The following HSDL2 variants were observed in gnomAD, a reference collection of about 807,000 sequenced individuals.
HSDL2 encodes the protein hydroxysteroid dehydrogenase like 2.
Under a neutral mutation model 46.3 loss-of-function variants are expected in HSDL2, and 27 were observed. The ratio of observed to expected loss-of-function variants is 0.58; its 90% CI spans 0.43 to 0.80. The LOEUF (loss-of-function observed/expected upper bound fraction) is 0.80, where lower values mean the gene tolerates loss of function less well. Among genes scored for constraint, HSDL2 ranks in the 30% least tolerant of loss-of-function variants. The pLI is 0.00. For synonymous variants in HSDL2, 153 were observed against 163.6 expected (o/e 0.94, Z 0.50); for missense variants, 451 against 502.7 (o/e 0.90, Z 0.98).
At chr9:112,384,635 T>C (rs1199653899) in intron 1 of HSDL2, among the ~76,000 whole-genome samples, 1 of 151,768 alleles carries the variant, frequency 6.6e-6, no homozygotes, top group Non-Finnish European at 1.5e-5. Flanking sequence ...GAGGCTGTTG[T>C]GGTAAACTGA....
chr9:112,434,651 C>T (rs913562635), intron 6 of HSDL2, among the ~76,000 whole-genome samples: 1 of 152,120 alleles, frequency 6.6e-6, no homozygotes, highest in Non-Finnish European at 1.5e-5. Context: ...TCAGTGGATA[C>T]ACACATGAGT....
intron 4 of HSDL2, among the ~76,000 whole-genome samples, chr9:112,414,482 A>T (rs148979609): frequency 0.013 from 1,907 of 152,280 alleles, 15 homozygotes; most frequent in Non-Finnish European, 0.021. Flanking sequence ...AAGAGTTTTC[A>T]ATATAATATA....
chr9:112,393,628 C>T (rs559669590), intron 1 of HSDL2, among the ~76,000 whole-genome samples: 3 of 152,258 alleles, frequency 2.0e-5, no homozygotes, highest in East Asian at 3.9e-4. Context: ...ATGATCACAG[C>T]GATTAAAGTG....
intron 8 of HSDL2, among the ~76,000 whole-genome samples, chr9:112,448,703 C>G (rs373301482): frequency 0.01 from 1,041 of 101,988 alleles, 11 homozygotes; most frequent in African/African-American, 0.037. Context: ...AGGCTTGCCA[C>G]CCAGCTAATT....
At chr9:112,439,464 CTT>C (rs1409580080) in intron 7 of HSDL2, among the ~76,000 whole-genome samples, 1 of 152,076 alleles carries the variant, frequency 6.6e-6, no homozygotes, top group African/African-American at 2.4e-5. Flanking sequence ...AGAAAGCCCT[CTT>C]GTTAAGTAAC....
At chr9:112,382,303 G>T (rs532765080) in intron 1 of HSDL2, among the ~76,000 whole-genome samples, 1 of 152,264 alleles carries the variant, frequency 6.6e-6, no homozygotes, top group Non-Finnish European at 1.5e-5. Flanking sequence ...TATTTTGACA[G>T]ATATTTCCAG....
chr9:112,457,239 T>A (rs1210732310), intron 9 of HSDL2, among the ~76,000 whole-genome samples: 2 of 151,830 alleles, frequency 1.3e-5, no homozygotes, highest in Non-Finnish European at 2.9e-5. Flanking sequence ...TCAAGAAAAA[T>A]AAAGTTCACA....
In HSDL2 at chr9:112,440,266, A is replaced by G. The variant is rs1832610848; in HGVS notation, c.794-1433A>G. Among the ~76,000 whole-genome samples, 3 of 152,278 alleles carry G rather than the reference A, an allele frequency of 2.0e-5. No individual in the cohort carries two copies. The South Asian group carries it at 6.2e-4, about 32-fold the overall frequency. On this transcript the variant is annotated intron_variant, in intron 7 of 10. Coordinates refer to ENST00000398805, the MANE Select transcript of HSDL2 (RefSeq NM_032303.5). ...ACTATGATATTAGGATATAACAAAG[A>G]TGAATTCATTCCTGCCCTCCAGAAG...
intron 10 of HSDL2, among the ~76,000 whole-genome samples, chr9:112,462,266 C>A (rs957717859): frequency 6.6e-6 from 1 of 152,152 alleles, no homozygotes; most frequent in Non-Finnish European, 1.5e-5. Flanking sequence ...GAGTTTGAGA[C>A]CAGCCTGGCC....
intron 10 of HSDL2, among the ~76,000 whole-genome samples, chr9:112,465,840 G>A (rs989804176): frequency 2.6e-5 from 4 of 152,078 alleles, no homozygotes; most frequent in African/African-American, 7.2e-5. Context: ...ATAATGCTTC[G>A]ATAAACATTC....
chr9:112,399,148 C>G (rs188075789), intron 1 of HSDL2, among the ~76,000 whole-genome samples: 3 of 152,286 alleles, frequency 2.0e-5, no homozygotes, highest in Non-Finnish European at 2.9e-5. Context: ...TCTGTGTCAG[C>G]TAGCTGAGAA....
At chr9:112,393,145 T>A (rs2132603356) in intron 1 of HSDL2, among the ~76,000 whole-genome samples, 1 of 152,344 alleles carries the variant, frequency 6.6e-6, no homozygotes, top group East Asian at 1.9e-4. Flanking sequence ...GAGCCCCCAA[T>A]AGACTTAATC....
intron 4 of HSDL2, among the ~76,000 whole-genome samples, chr9:112,413,737 A>G (rs7042570): frequency 0.03 from 4,620 of 152,256 alleles, 240 homozygotes; most frequent in African/African-American, 0.11. Context: ...CCCTGGTGCC[A>G]TAAAGAAATA....
intron 4 of HSDL2, among the ~76,000 whole-genome samples, chr9:112,411,496 G>A (rs148344842): frequency 0.02 from 2,994 of 152,258 alleles, 102 homozygotes; most frequent in African/African-American, 0.066. Flanking sequence ...CCAACATGGT[G>A]AAACCCTGTC....
In HSDL2 at chr9:112,417,918, A is replaced by G. The variant is rs534996866; in HGVS notation, c.500-942A>G. ...CATAGTGAAACTCCATCTCTACTAA[A>G]AATACAAAAATTAGCTGGGCATGGT... On this transcript the variant is annotated intron_variant, in intron 5 of 10. Transcript: ENST00000398805. Among the ~76,000 whole-genome samples the G allele has an allele frequency of 2.3e-3, 343 of 152,180 alleles. 1 individual carries two copies. Among genetic ancestry groups the G allele is most frequent in the African/African-American group, 7.8e-3 (323 of 41,524 alleles).
chr9:112,428,820 AGTTAAAAAGGGAG>A (rs1832314406), intron 6 of HSDL2, among the ~76,000 whole-genome samples: 1 of 152,174 alleles, frequency 6.6e-6, no homozygotes, highest in Non-Finnish European at 1.5e-5. Flanking sequence ...AGAGTTAGGA[AGTTAAAAAGGGAG>A]GTCTCTGAGG....
At chr9:112,399,805 G>T (rs536312879) in intron 1 of HSDL2, among the ~76,000 whole-genome samples, 11 of 152,222 alleles carry the variant, frequency 7.2e-5, no homozygotes, top group Admixed American at 2.6e-4. Flanking sequence ...GTCTTCCCTT[G>T]TTCCCTAAAA....
At chr9:112,422,947 G>A (rs1459942958) in intron 6 of HSDL2, among the ~76,000 whole-genome samples, 3 of 152,196 alleles carry the variant, frequency 2.0e-5, no homozygotes, top group African/African-American at 7.2e-5. Flanking sequence ...GTACGTTGCT[G>A]ATACAAAGGG....
chr9:112,449,275 C>T (rs981024216), intron 8 of HSDL2, among the ~76,000 whole-genome samples: 10 of 151,602 alleles, frequency 6.6e-5, no homozygotes, highest in South Asian at 2.1e-4. Context: ...TTAGTAGAGA[C>T]GGGGTTTCAC....
Sources: allele counts gnomAD v4.1 joint callset (sites outside exome capture counted in the v4.1 genomes callset), GRCh38; gene constraint gnomAD v4.1.1; transcripts MANE v1.5; gene names NCBI Gene and HGNC (gene_info 2026-07-23, HGNC 2026-07-21).